Variants in CPEB3 observed in about 807,000 individuals in gnomAD.
CPEB3 encodes the protein cytoplasmic polyadenylation element-binding protein 3.
Under a neutral mutation model 67.2 loss-of-function variants are expected in CPEB3, and 20 were observed. The observed-to-expected ratio is 0.30, with a 90% confidence interval of 0.21 to 0.43. The LOEUF (loss-of-function observed/expected upper bound fraction) is 0.43. Among genes scored for constraint, CPEB3 ranks in the 20% least tolerant of loss-of-function variants. CPEB3 has a pLI of 1.00. For synonymous variants in CPEB3, 376 were observed against 393.1 expected (o/e 0.96, Z 0.51); for missense variants, 746 against 968.6 (o/e 0.77, Z 3.05).
At chr10:92,060,921 A>T (rs531329440) in intron 9 of CPEB3, among the ~76,000 whole-genome samples, 1 of 152,246 alleles carries the variant, frequency 6.6e-6, no homozygotes, top group Non-Finnish European at 1.5e-5. Context: ...GGTTGGAATG[A>T]AAATTAGTAC....
intron 4 of CPEB3, among the ~76,000 whole-genome samples, chr10:92,170,455 T>C (rs781349056): frequency 8.5e-5 from 13 of 152,242 alleles, no homozygotes; most frequent in Non-Finnish European, 1.8e-4. Context: ...AATACTGCTA[T>C]ACCTTACTGG....
At chr10:92,228,041 C>T (rs1668723214) in intron 2 of CPEB3, among the ~76,000 whole-genome samples, 1 of 152,086 alleles carries the variant, frequency 6.6e-6, no homozygotes, top group African/African-American at 2.4e-5. Flanking sequence ...CGTGCACCAC[C>T]ACACCTGGCT....
intron 4 of CPEB3, among the ~76,000 whole-genome samples, chr10:92,163,101 C>T (rs1416894776): frequency 6.6e-6 from 1 of 152,118 alleles, no homozygotes; most frequent in African/African-American, 2.4e-5. Flanking sequence ...ATGTATCCAC[C>T]GTTACAGTAT....
chr10:92,281,816 A>G (rs1399641877), intron 1 of CPEB3, among the ~76,000 whole-genome samples: 1 of 152,190 alleles, frequency 6.6e-6, no homozygotes, highest in Non-Finnish European at 1.5e-5. Flanking sequence ...CATTACTACT[A>G]TTGGTTCCAA....
chr10:92,191,599 T>C (rs764910321), intron 3 of CPEB3, among the ~76,000 whole-genome samples: 18 of 152,076 alleles, frequency 1.2e-4, no homozygotes, highest in Non-Finnish European at 2.9e-5. Context: ...CACACTATAA[T>C]ATGGGCCTAG....
At chr10:92,149,376 G>A (rs1281171300) in intron 4 of CPEB3, among the ~76,000 whole-genome samples, 3 of 152,236 alleles carry the variant, frequency 2.0e-5, no homozygotes, top group African/African-American at 4.8e-5. Context: ...CAGGGAGAGG[G>A]TGGATGAGGT....
intron 3 of CPEB3, among the ~76,000 whole-genome samples, chr10:92,182,332 G>A (rs1433287779): frequency 6.6e-6 from 1 of 152,154 alleles, no homozygotes; most frequent in Non-Finnish European, 1.5e-5. Flanking sequence ...TCCGTTACAG[G>A]GGACTGGAGG....
At chr10:92,231,847 G>C (rs1851284635) in intron 2 of CPEB3, among the ~76,000 whole-genome samples, 2 of 151,738 alleles carry the variant, frequency 1.3e-5, no homozygotes, top group Non-Finnish European at 1.5e-5. Flanking sequence ...AGCCTCCCAA[G>C]TAGCTGCAAT....
At chr10:92,171,637 G>A (rs1848006110) in intron 4 of CPEB3, among the ~76,000 whole-genome samples, 1 of 152,140 alleles carries the variant, frequency 6.6e-6, no homozygotes, top group Non-Finnish European at 1.5e-5. Flanking sequence ...TTTCCCCAGA[G>A]AGAGTCTCAC....
chr10:92,223,567 CTT>C lies in CPEB3; in HGVS notation c.1005+15777_1005+15778del, dbSNP rs903904452. 9.0e-3 allele frequency among the ~76,000 whole-genome samples: 752 copies of C among 83,988 alleles called. 1 individual carries two copies. Among genetic ancestry groups the C allele is most frequent in the African/African-American group, 0.03 (723 of 24,468 alleles). 55.1% of individuals were successfully genotyped at this position (83,988 alleles called of 152,430 possible). On this transcript the variant is annotated intron_variant, in intron 2 of 9. Coordinates refer to ENST00000265997, the MANE Select transcript of CPEB3 (RefSeq NM_014912.5). ...CTTCCAGGTGAGCTCCTAATTATTT[CTT>C]TTTTTTTTTTTTTTTTTTTTTTTTG... is the stretch of plus-strand genomic sequence containing the variant.
At chr10:92,144,911 A>G in intron 5 of CPEB3, 34 bp downstream of exon 5, 1 of 1,605,452 alleles carries the variant, frequency 6.2e-7, no homozygotes, top group Non-Finnish European at 8.5e-7. Context: ...TAACAAACTC[A>G]GCCTTTGCAA....
chr10:92,269,300 C>T (rs980087069), intron 1 of CPEB3, among the ~76,000 whole-genome samples: 2 of 151,884 alleles, frequency 1.3e-5, no homozygotes, highest in Non-Finnish European at 1.5e-5. Flanking sequence ...TTACCATGGG[C>T]AAATAGTATT....
rs1845538938 is a variant in CPEB3, at chr10:92,124,812, T to C, written c.1454-13618A>G. On this transcript the variant is annotated intron_variant, in intron 6 of 9. Transcript: ENST00000265997. ...GGGAAAAAATGTGAAGTTTGAAAAC[T>C]TTCCTTTCCAAAGCCAGATTTAGAC... Among the ~76,000 whole-genome samples the C allele has an allele frequency of 2.0e-5, 3 of 152,334 alleles. No individual in the cohort carries two copies. The South Asian group carries it at 6.2e-4, about 32-fold the overall frequency.
intron 1 of CPEB3, among the ~76,000 whole-genome samples, chr10:92,262,614 AG>A (rs1021221340): frequency 6.6e-6 from 1 of 151,968 alleles, no homozygotes; most frequent in Non-Finnish European, 1.5e-5. Flanking sequence ...TGGGAGGCTG[AG>A]GGGGGAGGAT....
At chr10:92,231,868 C>T (rs192860564) in intron 2 of CPEB3, among the ~76,000 whole-genome samples, 423 of 151,910 alleles carry the variant, frequency 2.8e-3, no homozygotes, top group Non-Finnish European at 4.8e-3. Flanking sequence ...TACAAGAGCC[C>T]GCCACCACGC....
At chr10:92,169,488 G>T (rs1402508099) in intron 4 of CPEB3, among the ~76,000 whole-genome samples, 2 of 152,200 alleles carry the variant, frequency 1.3e-5, no homozygotes, top group Admixed American at 6.5e-5. Flanking sequence ...CAGTAGCAGA[G>T]CCTTCTCTCC....
intron 4 of CPEB3, among the ~76,000 whole-genome samples, chr10:92,176,499 A>C (rs1202092996): frequency 1.3e-5 from 2 of 152,200 alleles, no homozygotes; most frequent in Admixed American, 1.3e-4. Flanking sequence ...TTCAAGTTTC[A>C]CATGCCTTCC....
intron 6 of CPEB3, among the ~76,000 whole-genome samples, chr10:92,114,994 T>C (rs1215707385): frequency 1.3e-5 from 2 of 152,214 alleles, no homozygotes; most frequent in Non-Finnish European, 1.5e-5. Context: ...ATTAATAATA[T>C]GCACTTTCAG....
At chr10:92,066,342 C>T (rs575790007) in intron 9 of CPEB3, among the ~76,000 whole-genome samples, 3 of 151,462 alleles carry the variant, frequency 2.0e-5, no homozygotes, top group South Asian at 4.2e-4. Flanking sequence ...GGCTGATGCA[C>T]TTGAGCCCAG....
Sources: allele counts gnomAD v4.1 joint callset (sites outside exome capture counted in the v4.1 genomes callset), GRCh38; gene constraint gnomAD v4.1.1; transcripts MANE v1.5; gene names NCBI Gene and HGNC (gene_info 2026-07-23, HGNC 2026-07-21).